The following AKR1C8 variants were observed in gnomAD, a reference collection of about 807,000 sequenced individuals.
The protein encoded by AKR1C8 is aldo-keto reductase family 1 member C8.
the AKR1C8 span, among the ~76,000 whole-genome samples, chr10:5,184,774 G>A: frequency 2.6e-5 from 4 of 152,116 alleles, no homozygotes; most frequent in Non-Finnish European, 5.9e-5. Context: ...TAGAAATAAA[G>A]ATAATATACC....
the AKR1C8 span, among the ~76,000 whole-genome samples, chr10:5,166,450 A>G: frequency 6.6e-6 from 1 of 152,112 alleles, no homozygotes; most frequent in African/African-American, 2.4e-5. Context: ...ATATAGACCA[A>G]CGGAACAGAA....
chr10:5,164,932 C>T, the AKR1C8 span, among the ~76,000 whole-genome samples: 1 of 152,076 alleles, frequency 6.6e-6, no homozygotes, highest in African/African-American at 2.4e-5. Flanking sequence ...TCTTCTGTTC[C>T]TTCTTTGTAT....
chr10:5,132,631 T>C, the AKR1C8 span: 1 of 1,589,292 alleles, frequency 6.3e-7, no homozygotes, highest in South Asian at 1.1e-5. Flanking sequence ...TCTTCTCTCT[T>C]CACACTGTCA....
chr10:5,171,962 C>T, the AKR1C8 span, among the ~76,000 whole-genome samples: 2 of 152,146 alleles, frequency 1.3e-5, no homozygotes, highest in Non-Finnish European at 2.9e-5. Flanking sequence ...GTTTTAAATA[C>T]ATGTTACAGT....
chr10:5,147,608 A>C, the AKR1C8 span, among the ~76,000 whole-genome samples: 3 of 152,112 alleles, frequency 2.0e-5, no homozygotes, highest in African/African-American at 7.2e-5. Context: ...AGCAAGGCAG[A>C]CGTTCAACCT....
At chr10:5,121,966 A>G in the AKR1C8 span, 1 of 213,450 alleles carries the variant, frequency 4.7e-6, no homozygotes, top group Non-Finnish European at 9.6e-6. Flanking sequence ...GCTACAGTGA[A>G]TCTCCTGTTT....
chr10:5,180,287 C>T, the AKR1C8 span, among the ~76,000 whole-genome samples: 12 of 152,298 alleles, frequency 7.9e-5, no homozygotes, highest in South Asian at 2.1e-4. Flanking sequence ...TGCAGAACAG[C>T]GGATTTTCAT....
chr10:5,146,695 C>T, the AKR1C8 span, among the ~76,000 whole-genome samples: 3 of 152,266 alleles, frequency 2.0e-5, no homozygotes, highest in African/African-American at 7.2e-5. Context: ...TCTGTTTACT[C>T]TGCTGACTGT....
the AKR1C8 span, among the ~76,000 whole-genome samples, chr10:5,152,431 G>A: frequency 6.6e-6 from 1 of 152,176 alleles, no homozygotes; most frequent in South Asian, 2.1e-4. Context: ...TGTATAAGTA[G>A]CTTTGTGACT....
At chr10:5,179,758 G>A in the AKR1C8 span, among the ~76,000 whole-genome samples, 1 of 151,978 alleles carries the variant, frequency 6.6e-6, no homozygotes, top group African/African-American at 2.4e-5. Flanking sequence ...TCTTCCAGTT[G>A]ATTGCATCAG....
At chr10:5,146,027 G>T in the AKR1C8 span, among the ~76,000 whole-genome samples, 2 of 151,948 alleles carry the variant, frequency 1.3e-5, no homozygotes, top group African/African-American at 2.4e-5. Context: ...CATAAAAAAT[G>T]ATAAGTTCAT....
chr10:5,176,184 C>A, the AKR1C8 span, among the ~76,000 whole-genome samples: 2 of 149,448 alleles, frequency 1.3e-5, no homozygotes, highest in Non-Finnish European at 3.0e-5. Context: ...CCAGTTTCAG[C>A]TTTCTACATA....
chr10:5,177,296 A>G, the AKR1C8 span, among the ~76,000 whole-genome samples: 1 of 151,894 alleles, frequency 6.6e-6, no homozygotes, highest in African/African-American at 2.4e-5. Flanking sequence ...ATTTGCATAT[A>G]TTGAACCAGC....
the AKR1C8 span, among the ~76,000 whole-genome samples, chr10:5,128,772 A>AG: frequency 6.6e-6 from 1 of 152,112 alleles, no homozygotes; most frequent in Non-Finnish European, 1.5e-5. Context: ...CTAATACTGG[A>AG]GCTCCCAGAT....
At chr10:5,167,528 G>A in the AKR1C8 span, among the ~76,000 whole-genome samples, 2,134 of 152,142 alleles carry the variant, frequency 0.014, 33 homozygotes, top group African/African-American at 0.036. Context: ...GCAAACTATC[G>A]CAAGGACAAA....
chr10:5,117,130 CTTT>C, the AKR1C8 span, among the ~76,000 whole-genome samples: 69 of 148,360 alleles, frequency 4.7e-4, no homozygotes, highest in East Asian at 4.1e-3. Flanking sequence ...TGGCAGTGAG[CTTT>C]TTTTTTTTTT....
chr10:5,149,763 C>T, the AKR1C8 span, among the ~76,000 whole-genome samples: 6 of 151,584 alleles, frequency 4.0e-5, no homozygotes, highest in South Asian at 1.2e-3. Context: ...GTGTCTTATT[C>T]CAAAAACAAA....
chr10:5,175,987 T>A, the AKR1C8 span, among the ~76,000 whole-genome samples: 2 of 152,228 alleles, frequency 1.3e-5, no homozygotes, highest in Admixed American at 6.5e-5. Flanking sequence ...TTTAATTAGA[T>A]CCCATTTGTC....
At chr10:5,145,534 A>G in the AKR1C8 span, among the ~76,000 whole-genome samples, 3 of 152,186 alleles carry the variant, frequency 2.0e-5, no homozygotes, top group African/African-American at 2.4e-5. Flanking sequence ...AAAAGTGGGC[A>G]AAGGACATGA....
Sources: gnomAD v4.1 joint callset for allele counts (sites outside exome capture counted in the v4.1 genomes callset) on GRCh38, gnomAD v4.1.1 for gene constraint, MANE v1.5 for transcripts, NCBI Gene and HGNC (gene_info 2026-07-23, HGNC 2026-07-21) for gene names.